The following MKNK1 variants were observed in gnomAD, a reference collection of about 807,000 sequenced individuals.
MKNK1 encodes MAP kinase-interacting serine/threonine-protein kinase 1.
In MKNK1, 30 loss-of-function variants were observed where a neutral mutation model predicts 49.3. The observed-to-expected ratio is 0.61, with a 90% CI of 0.46 to 0.83. The LOEUF (loss-of-function observed/expected upper bound fraction) is 0.83, where lower values mean the gene tolerates loss of function less well. Among genes scored for constraint, MKNK1 ranks in the 40% least tolerant of loss-of-function variants. The pLI, the probability that MKNK1 is intolerant of heterozygous loss-of-function variation, is 0.00. For synonymous variants in MKNK1, 176 were observed against 201.7 expected (o/e 0.87, Z 1.08); for missense variants, 423 against 524.7 (o/e 0.81, Z 1.89).
At chr1:46,559,479 A>T (rs1180308908) in intron 12 of MKNK1, among the ~76,000 whole-genome samples, 1 of 152,198 alleles carries the variant, frequency 6.6e-6, no homozygotes, top group Non-Finnish European at 1.5e-5. Flanking sequence ...TCCAGCTGTA[A>T]AAGGGCTCCA....
intron 2 of MKNK1, chr1:46,584,438 TGA>T (rs1393346936): frequency 6.6e-6 from 1 of 152,088 alleles, no homozygotes; most frequent in African/African-American, 2.4e-5. Flanking sequence ...GCATACGATG[TGA>T]GAGACTTTTA....
intron 1 of MKNK1, among the ~76,000 whole-genome samples, chr1:46,595,589 T>C (rs1380473879): frequency 6.6e-6 from 1 of 152,200 alleles, no homozygotes; most frequent in African/African-American, 2.4e-5. Context: ...ATACACGAAA[T>C]ATCTCTTTAA....
intron 7 of MKNK1, chr1:46,571,548 GA>G (rs751772187): frequency 9.9e-5 from 43 of 434,590 alleles, no homozygotes; most frequent in African/African-American, 3.8e-4. Context: ...GTCTAAAAAG[GA>G]AAAAAAAGGA....
intron 10 of MKNK1, 155 bp from the exon 11 acceptor site, chr1:46,561,797 C>G (rs529681282): frequency 1.4e-6 from 1 of 735,254 alleles, no homozygotes; most frequent in African/African-American, 1.8e-5. Flanking sequence ...CAGACTCACC[C>G]CGCACTGTCC....
chr1:46,602,649 A>G (rs1207580867), intron 1 of MKNK1, among the ~76,000 whole-genome samples: 1 of 145,926 alleles, frequency 6.9e-6, no homozygotes, highest in African/African-American at 2.5e-5. Context: ...TTTTTTTGCA[A>G]TTTTTTTAAA....
chr1:46,588,719 A>T (rs1198747941), intron 2 of MKNK1, among the ~76,000 whole-genome samples: 1 of 151,562 alleles, frequency 6.6e-6, no homozygotes, highest in Non-Finnish European at 1.5e-5. Flanking sequence ...AGGCAGGAGA[A>T]TGGCGTAAAC....
intron 6 of MKNK1, 193 bp from the exon 7 acceptor site, chr1:46,572,360 G>A: frequency 2.3e-6 from 1 of 441,614 alleles, no homozygotes. Context: ...TTACAGGCAG[G>A]CACCACCATG....
In MKNK1 at chr1:46,561,390, T is replaced by C. The variant is rs910991210; in HGVS notation, c.969+88A>G. 4.9e-6 allele frequency: 7 copies of C among 1,437,840 alleles called. No individual in the cohort carries two copies. The African/African-American group carries it at 1.0e-4, about 21-fold the overall frequency. 89.1% of individuals were successfully genotyped at this position (1,437,840 alleles called of 1,614,324 possible). A position where few individuals can be genotyped will look rare whatever the true frequency, so the allele number is the denominator to read the frequency against. ...TCAGCTGCACCAGCCACAAGGCTGGTGCTCAGCACTTGCTGGCATGACAGC... is the reference window on the plus strand; with the variant it reads ...TCAGCTGCACCAGCCACAAGGCTGGCGCTCAGCACTTGCTGGCATGACAGC... On this transcript the variant is annotated intron_variant, in intron 11 of 12. Transcript: ENST00000371945.
rs572693995 is a variant in MKNK1 at position 46,568,584 on chromosome 1, G to A, written c.458-86C>T. Reference sequence around the variant, plus strand: ...ACACAATTAATTTTTTCCAAATGCTGTAGTTCGCAGATTAATTCCCAATTA... The same window carrying A: ...ACACAATTAATTTTTTCCAAATGCTATAGTTCGCAGATTAATTCCCAATTA... On this transcript the variant is annotated intron_variant, in intron 7 of 12. Coordinates refer to ENST00000371945, the MANE Select transcript of MKNK1 (RefSeq NM_001135553.4). 423 of 1,287,070 alleles carry A rather than the reference G, an allele frequency of 3.3e-4. 1 individual carries two copies. Among genetic ancestry groups the A allele is most frequent in the Middle Eastern group, 2.0e-3 (10 of 5,016 alleles). The allele number at this position is 1,287,070 out of a possible 1,614,324, so 79.7% of individuals were successfully genotyped here.
chr1:46,580,881 A>G (rs1488005695), intron 3 of MKNK1, among the ~76,000 whole-genome samples: 1 of 152,188 alleles, frequency 6.6e-6, no homozygotes, highest in African/African-American at 2.4e-5. Flanking sequence ...AATTCGGCAC[A>G]TACTTCCTGA....
At position 46,574,932 on chromosome 1, in the gene MKNK1, C is replaced by T; in HGVS notation, c.352+15G>A. Reference sequence around the variant, plus strand: ...TCTTAATCAGAAGTCCACACACATACTCAACGGTAAGTACCTCCTTGCAAT... The same window carrying T: ...TCTTAATCAGAAGTCCACACACATATTCAACGGTAAGTACCTCCTTGCAAT... On this transcript the variant is annotated intron_variant, in intron 6 of 12. Transcript: ENST00000371945. The T allele has an allele frequency of 1.3e-6, 2 of 1,585,180 alleles. No individual in the cohort carries two copies. Among genetic ancestry groups the T allele is most frequent in the South Asian group, 2.2e-5 (2 of 90,110 alleles).
chr1:46,597,725 C>A (rs1219509015), intron 1 of MKNK1, among the ~76,000 whole-genome samples: 3 of 152,238 alleles, frequency 2.0e-5, no homozygotes, highest in African/African-American at 7.2e-5. Context: ...TCCTTCATCT[C>A]TGGGACCCCT....
chr1:46,591,626 GCCC>G (rs1233845775), intron 2 of MKNK1, among the ~76,000 whole-genome samples: 1 of 152,090 alleles, frequency 6.6e-6, no homozygotes, highest in Non-Finnish European at 1.5e-5. Flanking sequence ...TGCGCTCAAG[GCCC>G]CCAAGCACAA....
intron 8 of MKNK1, among the ~76,000 whole-genome samples, chr1:46,565,870 G>A (rs35625655): frequency 0.14 from 20,665 of 152,168 alleles, 1,839 homozygotes; most frequent in South Asian, 0.3. Context: ...TCCTTGCCGG[G>A]AAGCCTGGGC....
intron 1 of MKNK1, among the ~76,000 whole-genome samples, chr1:46,598,812 G>C (rs1338774508): frequency 6.6e-6 from 1 of 152,206 alleles, no homozygotes; most frequent in Non-Finnish European, 1.5e-5. Context: ...GTAAGGATGA[G>C]AGGCTGGAAT....
chr1:46,572,192 G>T lies in MKNK1; in HGVS notation c.353-25C>A, dbSNP rs1288459985. Reference sequence around the variant, plus strand: ...CCTGGGGAGCAGAGGGGACATAGAAGAATGCCTTTTTGGGCTCTAGTAAGT... The same window carrying T: ...CCTGGGGAGCAGAGGGGACATAGAATAATGCCTTTTTGGGCTCTAGTAAGT... On this transcript the variant is annotated intron_variant, in intron 6 of 12. Transcript: ENST00000371945. The T allele has an allele frequency of 1.9e-6, 3 of 1,600,784 alleles. No homozygotes were observed. The African/African-American group carries it at 4.0e-5, about 21-fold the overall frequency.
At chr1:46,558,864 C>A in intron 12 of MKNK1, 64 bp from the exon 13 acceptor site, 1 of 1,388,494 alleles carries the variant, frequency 7.2e-7, no homozygotes, top group East Asian at 2.3e-5. Flanking sequence ...AGGCCAGCTC[C>A]GGGACACTCC....
chr1:46,565,425 T>G, intron 8 of MKNK1: 1 of 426,560 alleles, frequency 2.3e-6, no homozygotes, highest in Non-Finnish European at 4.4e-6. Flanking sequence ...TGCTGGCAAA[T>G]GATGGTACAG....
chr1:46,579,961 C>T (rs2148682690), intron 4 of MKNK1, among the ~76,000 whole-genome samples: 1 of 152,272 alleles, frequency 6.6e-6, no homozygotes, highest in East Asian at 1.9e-4. Context: ...CACTATCATG[C>T]TAACATCTAA....
Sources: gnomAD v4.1 joint callset for allele counts (sites outside exome capture counted in the v4.1 genomes callset) on GRCh38, gnomAD v4.1.1 for gene constraint, MANE v1.5 for transcripts, NCBI Gene and HGNC (gene_info 2026-07-23, HGNC 2026-07-21) for gene names.